The following LY96 variants were observed in gnomAD, a reference collection of about 807,000 sequenced individuals.
LY96 encodes myeloid differentiation protein-2.
A neutral mutation model predicts 18.9 loss-of-function variants in LY96; 18 were observed. The ratio of observed to expected loss-of-function variants is 0.95; its 90% confidence interval spans 0.66 to 1.41. The LOEUF is 1.41. Ranked by LOEUF, LY96 falls within the 40% of genes most tolerant of loss-of-function variation. The pLI, the probability that LY96 is intolerant of heterozygous loss-of-function variation, is 0.00. For missense variants in LY96, 175 were observed against 182.4 expected (o/e 0.96, Z 0.23); for synonymous variants, 66 against 62.6 (o/e 1.06, Z -0.26).
intron 1 of LY96, among the ~76,000 whole-genome samples, chr8:73,999,382 C>A (rs896285878): frequency 2.6e-5 from 4 of 152,206 alleles, no homozygotes; most frequent in Admixed American, 2.6e-4. Context: ...CTTCCCACCT[C>A]AGCCTCCTGA....
Position 74,028,939 on chromosome 8 carries a change from CT to C in LY96, c.385-15del. On this transcript the variant is annotated splice_polypyrimidine_tract_variant and intron_variant, in intron 4 of 4. Transcript: ENST00000284818. Reference sequence around the variant, plus strand: ...CTAACATTTTGTATTACTTGTATTTCTTATACTTCATTTTAGGGAAAATACA... The same window carrying C: ...CTAACATTTTGTATTACTTGTATTTCTATACTTCATTTTAGGGAAAATACA... 2 of 1,479,120 alleles carry C rather than the reference CT, an allele frequency of 1.4e-6. No homozygotes were observed. Among genetic ancestry groups the C allele is most frequent in the Non-Finnish European group, 9.4e-7 (1 of 1,059,358 alleles). 91.6% of individuals were successfully genotyped at this position (1,479,120 alleles called of 1,614,324 possible).
At chr8:74,043,131 A>G in the LY96 span, among the ~76,000 whole-genome samples, 2 of 152,198 alleles carry the variant, frequency 1.3e-5, no homozygotes, top group East Asian at 3.9e-4. Context: ...CAGCAACCAC[A>G]TCCCTGTCAT....
intron 3 of LY96, among the ~76,000 whole-genome samples, chr8:74,015,002 T>A (rs1483689127): frequency 6.6e-6 from 1 of 151,478 alleles, no homozygotes; most frequent in Non-Finnish European, 1.5e-5. Flanking sequence ...ACATCAGGAG[T>A]TTGAGAACAG....
chr8:74,079,536 G>A, the LY96 span: 2 of 152,082 alleles, frequency 1.3e-5, no homozygotes, highest in African/African-American at 4.8e-5. Context: ...AGATGGCTGT[G>A]GTGTTCGCTT....
intron 3 of LY96, among the ~76,000 whole-genome samples, chr8:74,021,985 T>G (rs1346431949): frequency 2.6e-5 from 4 of 151,796 alleles, no homozygotes; most frequent in Non-Finnish European, 5.9e-5. Flanking sequence ...ACTAATTAAT[T>G]GGTGCAGCAA....
the LY96 span, among the ~76,000 whole-genome samples, chr8:74,046,860 G>A: frequency 2.0e-5 from 3 of 151,376 alleles, no homozygotes; most frequent in Non-Finnish European, 2.9e-5. Flanking sequence ...GCTTTTTGGG[G>A]GAGGTGAACA....
chr8:74,011,450 T>C (rs1816528582), intron 3 of LY96, among the ~76,000 whole-genome samples: 1 of 152,186 alleles, frequency 6.6e-6, no homozygotes, highest in African/African-American at 2.4e-5. Flanking sequence ...ACAGACAACC[T>C]GTAGTATATG....
At chr8:74,077,048 G>C in the LY96 span, among the ~76,000 whole-genome samples, 1 of 152,156 alleles carries the variant, frequency 6.6e-6, no homozygotes, top group Non-Finnish European at 1.5e-5. Flanking sequence ...CTTACGTTTA[G>C]TGGTTTATTA....
At chr8:74,091,968 C>A in the LY96 span, among the ~76,000 whole-genome samples, 12 of 152,184 alleles carry the variant, frequency 7.9e-5, no homozygotes, top group African/African-American at 2.9e-4. Context: ...AACAGCAGGA[C>A]ACGCTTTCTG....
intron 1 of LY96, among the ~76,000 whole-genome samples, chr8:74,000,868 C>T (rs550554598): frequency 2.4e-4 from 36 of 152,234 alleles, no homozygotes; most frequent in African/African-American, 7.7e-4. Context: ...GGCAGAAGGC[C>T]GAAAGGGCAC....
At chr8:74,009,374 C>CAAAAA (rs370593442) in intron 2 of LY96, among the ~76,000 whole-genome samples, 6 of 58,846 alleles carry the variant, frequency 1.0e-4, no homozygotes, top group South Asian at 8.6e-4. Flanking sequence ...CAGTCTTTCT[C>CAAAAA]AAAAAAAAAA....
chr8:74,008,488 C>A (rs1816462501), intron 2 of LY96, among the ~76,000 whole-genome samples: 2 of 152,190 alleles, frequency 1.3e-5, no homozygotes, highest in African/African-American at 4.8e-5. Flanking sequence ...CCACACCCTA[C>A]CCTGAAAGTT....
At chr8:74,054,665 T>C in the LY96 span, among the ~76,000 whole-genome samples, 1 of 144,186 alleles carries the variant, frequency 6.9e-6, no homozygotes, top group Non-Finnish European at 1.5e-5. Flanking sequence ...TCTTTCTTTC[T>C]TTCTTTCTTT....
Position 73,991,469 on chromosome 8 carries a change from C to G in LY96, c.27C>G (p.Thr9=), listed in dbSNP as rs1282468955. ...TGTTACCATTTCTGTTTTTTTCCAC[C>G]CTGTTTTCTTCCATATTTACTGAAG... is the stretch of plus-strand genomic sequence containing the variant. MLPFLFFS[T]LFSSIFTEAQ... Residue 9 remains threonine (T), a synonymous_variant, in exon 1 of 5, where the codon ACC becomes ACG. Coordinates refer to ENST00000284818, the MANE Select transcript of LY96 (RefSeq NM_015364.5). 2.5e-6 allele frequency: 4 copies of G among 1,611,288 alleles called. No individual in the cohort carries two copies. Among genetic ancestry groups the G allele is most frequent in the Non-Finnish European group, 2.5e-6 (3 of 1,177,602 alleles).
rs1491209415 is a variant in LY96, at chr8:74,002,083, CTT to C, written c.113-2711_113-2710del. Among the ~76,000 whole-genome samples the C allele has an allele frequency of 2.9e-3, 90 of 31,384 alleles. 19 individuals are homozygous for C. Among genetic ancestry groups the C allele is most frequent in the African/African-American group, 6.3e-3 (41 of 6,508 alleles). 20.6% of individuals were successfully genotyped at this position (31,384 alleles called of 152,430 possible). A position where few individuals can be genotyped will look rare whatever the true frequency, so the allele number is the denominator to read the frequency against. On this transcript the variant is annotated intron_variant, in intron 1 of 4. Coordinates refer to ENST00000284818, the MANE Select transcript of LY96 (RefSeq NM_015364.5). Reference sequence around the variant, plus strand: ...CCTTCCTTCCTTCCTTCCTTTCTTTCTTTCTTTCTTTCTCTCTCTCTCTCTCT... The same window carrying C: ...CCTTCCTTCCTTCCTTCCTTTCTTTCTCTTTCTTTCTCTCTCTCTCTCTCT...
At chr8:74,080,744 G>A in the LY96 span, among the ~76,000 whole-genome samples, 1 of 152,218 alleles carries the variant, frequency 6.6e-6, no homozygotes. Context: ...TTTCCCAGCA[G>A]GCGGTACAGA....
intron 3 of LY96, among the ~76,000 whole-genome samples, chr8:74,020,792 C>A (rs1401989440): frequency 3.3e-5 from 5 of 152,144 alleles, no homozygotes. Flanking sequence ...TGATCTTTGA[C>A]AAACCTGACA....
intron 3 of LY96, among the ~76,000 whole-genome samples, chr8:74,020,274 A>G (rs931125778): frequency 1.3e-5 from 2 of 152,214 alleles, no homozygotes; most frequent in African/African-American, 4.8e-5. Context: ...ATACACCAAT[A>G]ACAGACAAAC....
chr8:74,028,121 G>A (rs1816906877), intron 4 of LY96, among the ~76,000 whole-genome samples: 1 of 152,188 alleles, frequency 6.6e-6, no homozygotes, highest in Non-Finnish European at 1.5e-5. Flanking sequence ...CTTTGCATAA[G>A]GGCGCTGGCT....
Sources: allele counts gnomAD v4.1 joint callset (sites outside exome capture counted in the v4.1 genomes callset), GRCh38; gene constraint gnomAD v4.1.1; transcripts MANE v1.5; gene names NCBI Gene and HGNC (gene_info 2026-07-23, HGNC 2026-07-21).